The following RBFOX1 variants were observed in gnomAD, a reference collection of about 807,000 sequenced individuals.
RBFOX1 encodes RNA binding protein fox-1 homolog 1.
A neutral mutation model predicts 57.7 loss-of-function variants in RBFOX1; 8 were observed. That is an observed-to-expected ratio of 0.14 (90% CI 0.08 to 0.25). RBFOX1 has a LOEUF of 0.25. Among genes scored for constraint, RBFOX1 ranks in the 10% least tolerant of loss-of-function variants. The probability of loss-of-function intolerance (pLI) is 1.00; values close to 1 mark genes in which losing one functional copy is unlikely to be tolerated. For missense variants in RBFOX1, 611 were observed against 548.5 expected, an observed-to-expected ratio of 1.11 and a Z score of -1.14; for synonymous variants, 326 against 222.4, an observed-to-expected ratio of 1.47 and a Z score of -4.15.
At chr16:6,116,753 G>T (rs1449675825) in intron 1 of RBFOX1, among the ~76,000 whole-genome samples, 1 of 152,236 alleles carries the variant, frequency 6.6e-6, no homozygotes, top group East Asian at 1.9e-4. Context: ...AGCTGATAGG[G>T]GAGAAAACAG....
At chr16:7,481,275 G>A (rs777559683) in intron 4 of RBFOX1, among the ~76,000 whole-genome samples, 28 of 152,134 alleles carry the variant, frequency 1.8e-4, no homozygotes, top group Non-Finnish European at 3.5e-4. Context: ...GGGTGCTTAC[G>A]GTTTTGTGGA....
upstream of RBFOX1, among the ~76,000 whole-genome samples, chr16:6,017,193 G>T (rs2094999390): frequency 6.6e-6 from 1 of 152,222 alleles, no homozygotes; most frequent in African/African-American, 2.4e-5. Context: ...TGCCTTGAAT[G>T]ATTGCATTCA....
At position 7,288,297 on chromosome 16, in the gene RBFOX1, A is replaced by G. The variant is rs76071366; in HGVS notation, c.28-229850A>G. On this transcript the variant is annotated intron_variant, in intron 4 of 15. Transcript: ENST00000550418. Reference sequence around the variant, plus strand: ...TTTCAGACATTCTACTTGGAAATCCATTTAAGGAATGCATCATACAATAAA... The same window carrying G: ...TTTCAGACATTCTACTTGGAAATCCGTTTAAGGAATGCATCATACAATAAA... 4.4e-4 allele frequency among the ~76,000 whole-genome samples: 67 copies of G among 152,314 alleles called. 1 individual carries two copies. In the East Asian group the frequency reaches 0.012, roughly 26 times the overall value.
chr16:6,787,531 T>A (rs913834814), intron 3 of RBFOX1, among the ~76,000 whole-genome samples: 1 of 152,170 alleles, frequency 6.6e-6, no homozygotes, highest in South Asian at 2.1e-4. Flanking sequence ...AGAAATTGGG[T>A]GTAAACTGTA....
chr16:7,093,878 C>T lies in RBFOX1; in HGVS notation c.27+41780C>T, dbSNP rs12103323. Among the ~76,000 whole-genome samples, 508 of 151,814 alleles carry T rather than the reference C, an allele frequency of 3.3e-3. 2 individuals are homozygous for T. The highest frequency in any genetic ancestry group is 0.011 in the African/African-American group (471 of 41,362). The stretch of plus-strand genomic sequence containing the variant: ...CCATTTTTTCCCACTGTAATAATGA[C>T]ACAAAACTCATTGAATATTTGTGTT... On this transcript the variant is annotated intron_variant, in intron 4 of 15. Coordinates refer to ENST00000550418, the MANE Select transcript of RBFOX1 (RefSeq NM_018723.4).
intron 4 of RBFOX1, among the ~76,000 whole-genome samples, chr16:7,338,301 A>G (rs1005819659): frequency 2.0e-5 from 3 of 149,948 alleles, no homozygotes; most frequent in Non-Finnish European, 4.4e-5. Flanking sequence ...TTTCCAGCCT[A>G]AACTTTCTAT....
chr16:6,884,462 T>C (rs930688109), intron 3 of RBFOX1, among the ~76,000 whole-genome samples: 2 of 152,194 alleles, frequency 1.3e-5, no homozygotes, highest in Non-Finnish European at 1.5e-5. Flanking sequence ...TGTATTCTTA[T>C]TATTAGTGGC....
At chr16:6,970,416 T>C (rs911732370) in intron 3 of RBFOX1, among the ~76,000 whole-genome samples, 3 of 152,176 alleles carry the variant, frequency 2.0e-5, no homozygotes, top group Admixed American at 1.3e-4. Context: ...CTTAGTCTGC[T>C]CAGGCTGCTA....
intron 4 of RBFOX1, among the ~76,000 whole-genome samples, chr16:7,171,086 C>G (rs561674169): frequency 2.6e-5 from 4 of 152,186 alleles, no homozygotes; most frequent in Non-Finnish European, 5.9e-5. Flanking sequence ...AGGTCCAGCT[C>G]CATCCCAGCT....
chr16:5,752,886 A>C (rs574815399), intron 3 of RBFOX1, among the ~76,000 whole-genome samples: 1 of 152,314 alleles, frequency 6.6e-6, no homozygotes. Context: ...CATTGTACAA[A>C]AAAAGAGTGC....
At chr16:5,799,809 A>G (rs2055001640) in intron 3 of RBFOX1, among the ~76,000 whole-genome samples, 1 of 152,186 alleles carries the variant, frequency 6.6e-6, no homozygotes, top group African/African-American at 2.4e-5. Flanking sequence ...CTCTTTGTAC[A>G]AAGTTGGGTG....
intron 3 of RBFOX1, among the ~76,000 whole-genome samples, chr16:6,670,019 A>G (rs11865957): frequency 0.066 from 10,059 of 152,186 alleles, 387 homozygotes; most frequent in African/African-American, 0.071. Context: ...CTATCTATCT[A>G]TCTGTCTATC....
chr16:5,932,423 C>T (rs1440099896), intron 4 of RBFOX1, among the ~76,000 whole-genome samples: 1 of 152,130 alleles, frequency 6.6e-6, no homozygotes, highest in East Asian at 1.9e-4. Context: ...TCTCCAGCAC[C>T]TCCAGATGAA....
At chr16:5,582,899 G>A (rs957431400) in intron 2 of RBFOX1, among the ~76,000 whole-genome samples, 3 of 152,162 alleles carry the variant, frequency 2.0e-5, no homozygotes, top group Non-Finnish European at 4.4e-5. Context: ...CCCTCTGTGG[G>A]CCTGGTTTGT....
At chr16:7,394,317 AG>A (rs1261695416) in intron 4 of RBFOX1, among the ~76,000 whole-genome samples, 1 of 148,406 alleles carries the variant, frequency 6.7e-6, no homozygotes, top group East Asian at 2.1e-4. Flanking sequence ...CTGAAATTAG[AG>A]GGATTGCTGT....
intron 2 of RBFOX1, among the ~76,000 whole-genome samples, chr16:6,526,086 A>G (rs138162723): frequency 1.8e-3 from 280 of 152,280 alleles, no homozygotes; most frequent in African/African-American, 6.5e-3. Context: ...CATTCCTTGG[A>G]TGTGCGATAG....
intron 2 of RBFOX1, among the ~76,000 whole-genome samples, chr16:6,629,514 T>A (rs567575547): frequency 6.6e-6 from 1 of 152,222 alleles, no homozygotes. Flanking sequence ...AAATGGGTTA[T>A]ACTTTCATCT....
intron 2 of RBFOX1, among the ~76,000 whole-genome samples, chr16:6,644,845 G>A (rs1471428461): frequency 6.6e-6 from 1 of 152,196 alleles, no homozygotes; most frequent in Non-Finnish European, 1.5e-5. Context: ...CTGGACCACA[G>A]TTATCTTTTT....
chr16:6,941,603 A>G (rs1008404033), intron 3 of RBFOX1, among the ~76,000 whole-genome samples: 14 of 151,776 alleles, frequency 9.2e-5, no homozygotes, highest in African/African-American at 3.1e-4. Flanking sequence ...CTACTAAATT[A>G]TGCCCCTCCT....
Sources: allele counts gnomAD v4.1 joint callset (sites outside exome capture counted in the v4.1 genomes callset), GRCh38; gene constraint gnomAD v4.1.1; transcripts MANE v1.5; gene names NCBI Gene and HGNC (gene_info 2026-07-23, HGNC 2026-07-21).